The following TXNRD1 variants were observed in gnomAD, a reference collection of about 807,000 sequenced individuals.
TXNRD1 encodes thioredoxin reductase 1, also known as thioredoxin reductase 1, cytoplasmic.
Under a neutral mutation model 80.3 loss-of-function variants are expected in TXNRD1, and 57 were observed. The ratio of observed to expected loss-of-function variants is 0.71; its 90% CI spans 0.57 to 0.89. TXNRD1 has a LOEUF of 0.89. Ranked by LOEUF, TXNRD1 falls within the 40% of genes least tolerant of loss-of-function variation. The pLI is 0.00. For synonymous variants in TXNRD1, 291 were observed against 285.2 expected, an observed-to-expected ratio of 1.02 and a Z score of -0.20; for missense variants, 730 against 803.0, an observed-to-expected ratio of 0.91 and a Z score of 1.10.
chr12:104,334,594 A>G (rs1787826982), intron 15 of TXNRD1, among the ~76,000 whole-genome samples: 2 of 152,068 alleles, frequency 1.3e-5, no homozygotes, highest in African/African-American at 2.4e-5. Context: ...CTGGTCTTGA[A>G]CACCTGACCT....
intron 1 of TXNRD1, among the ~76,000 whole-genome samples, chr12:104,227,457 AAG>A (rs1185802980): frequency 6.6e-6 from 1 of 152,026 alleles, no homozygotes; most frequent in East Asian, 1.9e-4. Context: ...TATAGAAATG[AAG>A]TCTTCTTATG....
chr12:104,333,624 G>A (rs545620206), intron 14 of TXNRD1, among the ~76,000 whole-genome samples: 1 of 152,106 alleles, frequency 6.6e-6, no homozygotes, highest in East Asian at 1.9e-4. Flanking sequence ...GTTTTGAACT[G>A]AGGCTAGCAG....
At chr12:104,217,871 A>C (rs957764413) in intron 1 of TXNRD1, among the ~76,000 whole-genome samples, 1 of 152,056 alleles carries the variant, frequency 6.6e-6, no homozygotes, top group African/African-American at 2.4e-5. Flanking sequence ...TTCACTTAGC[A>C]TACTTGTCTT....
chr12:104,219,154 C>T (rs1301095616), intron 1 of TXNRD1, among the ~76,000 whole-genome samples: 4 of 152,076 alleles, frequency 2.6e-5, no homozygotes, highest in Non-Finnish European at 5.9e-5. Flanking sequence ...AGCAACAGCC[C>T]CATCTGATCT....
At chr12:104,307,688 GA>G (rs954754039) in intron 4 of TXNRD1, among the ~76,000 whole-genome samples, 1 of 152,202 alleles carries the variant, frequency 6.6e-6, no homozygotes, top group Non-Finnish European at 1.5e-5. Context: ...ATGTTTAGGG[GA>G]AAAGTCAGGA....
At chr12:104,237,037 G>T (rs75824996) in intron 1 of TXNRD1, among the ~76,000 whole-genome samples, 3 of 152,126 alleles carry the variant, frequency 2.0e-5, no homozygotes, top group South Asian at 2.1e-4. Flanking sequence ...CTCCGTTCTG[G>T]GGGGGTTGGG....
At chr12:104,303,650 C>T (rs528310949) in intron 4 of TXNRD1, 2 of 421,104 alleles carry the variant, frequency 4.7e-6, no homozygotes, top group Non-Finnish European at 8.3e-6. Flanking sequence ...GCGAGCGCCT[C>T]GGCTTGTGGC....
intron 9 of TXNRD1, among the ~76,000 whole-genome samples, chr12:104,320,012 G>T (rs1228016523): frequency 6.6e-6 from 1 of 152,202 alleles, no homozygotes; most frequent in African/African-American, 2.4e-5. Context: ...GCTGCTAAAA[G>T]AATTAGAGGC....
At chr12:104,284,909 C>T (rs1381546750) in intron 3 of TXNRD1, among the ~76,000 whole-genome samples, 1 of 152,162 alleles carries the variant, frequency 6.6e-6, no homozygotes, top group African/African-American at 2.4e-5. Context: ...GGCACAGTGG[C>T]TCACACCTGT....
At chr12:104,321,004 A>G (rs2035507223) in intron 9 of TXNRD1, 87 bp from the exon 10 acceptor site, 1 of 927,982 alleles carries the variant, frequency 1.1e-6, no homozygotes, top group East Asian at 2.4e-5. Context: ...GTTCTTGTCA[A>G]AGTAAAAATG....
intron 1 of TXNRD1, among the ~76,000 whole-genome samples, chr12:104,220,227 G>T (rs1350089822): frequency 6.6e-6 from 1 of 152,144 alleles, no homozygotes. Context: ...CAAAGATCGT[G>T]ACTGACATGC....
intron 4 of TXNRD1, chr12:104,309,965 G>C (rs907015607): frequency 1.6e-5 from 24 of 1,536,082 alleles, no homozygotes; most frequent in Non-Finnish European, 2.1e-5. Context: ...CCACAGTGCT[G>C]TGCTTCCTCC....
At chr12:104,271,129 G>T (rs572770512) in intron 3 of TXNRD1, among the ~76,000 whole-genome samples, 1 of 151,858 alleles carries the variant, frequency 6.6e-6, no homozygotes. Flanking sequence ...GTGCAGGCAG[G>T]CTGAGTCAGA....
intron 6 of TXNRD1, 80 bp downstream of exon 6, chr12:104,313,397 TAATTAAAA>T: frequency 8.9e-7 from 1 of 1,127,622 alleles, no homozygotes; most frequent in Non-Finnish European, 1.3e-6. Flanking sequence ...TCCTAAAGCC[TAATTAAAA>T]AAATCAAAAA....
chr12:104,302,521 G>A (rs988179416), intron 4 of TXNRD1, among the ~76,000 whole-genome samples: 1 of 102,214 alleles, frequency 9.8e-6, no homozygotes, highest in Non-Finnish European at 2.0e-5. Flanking sequence ...ACGGAGTCTC[G>A]CTCTATAGCC....
chr12:104,291,138 G>T lies in TXNRD1; in HGVS notation c.414+2098G>T, dbSNP rs1184742075. On this transcript the variant is annotated intron_variant, in intron 4 of 16. Transcript: ENST00000525566. ...CCATGAATGAAAAGCATACCATCAAGAACACTTAAAAGAAATCATTTAGCA... is the reference window on the plus strand; with the variant it reads ...CCATGAATGAAAAGCATACCATCAATAACACTTAAAAGAAATCATTTAGCA... 5 of 491,560 alleles carry T rather than the reference G, an allele frequency of 1.0e-5. No individual in the cohort carries two copies. The East Asian group carries it at 2.2e-4, about 22-fold the overall frequency. The allele number at this position is 491,560 out of a possible 1,614,324, so 30.4% of individuals were successfully genotyped here.
intron 4 of TXNRD1, chr12:104,290,995 A>G (rs11111981): frequency 1.5e-6 from 1 of 658,376 alleles, no homozygotes; most frequent in Admixed American, 2.5e-5. Flanking sequence ...TTCTTTAGAG[A>G]TGGAGGTCTC....
intron 3 of TXNRD1, among the ~76,000 whole-genome samples, chr12:104,258,544 G>A (rs1000697456): frequency 6.6e-6 from 1 of 152,190 alleles, no homozygotes; most frequent in Admixed American, 6.5e-5. Context: ...AAAGATTGGT[G>A]GAGTAAAATG....
intron 3 of TXNRD1, among the ~76,000 whole-genome samples, chr12:104,285,131 G>T (rs1046821316): frequency 6.6e-6 from 1 of 152,068 alleles, no homozygotes; most frequent in Non-Finnish European, 1.5e-5. Context: ...GCTGAGATGC[G>T]CCACTGCACT....
Sources: allele counts gnomAD v4.1 joint callset (sites outside exome capture counted in the v4.1 genomes callset), GRCh38; gene constraint gnomAD v4.1.1; transcripts MANE v1.5; gene names NCBI Gene and HGNC (gene_info 2026-07-23, HGNC 2026-07-21).